GLIS2: variants seen among roughly 807,000 people sequenced by gnomAD.
GLIS2 encodes the protein zinc finger protein GLIS2.
Under a neutral mutation model 35.6 loss-of-function variants are expected in GLIS2, and 14 were observed. The ratio of observed to expected loss-of-function variants is 0.39; its 90% CI spans 0.26 to 0.61. The LOEUF is 0.61. GLIS2 is among the 20% of genes least tolerant of loss of function. The pLI is 0.48. For missense variants in GLIS2, 675 were observed against 713.4 expected (o/e 0.95, Z 0.61); for synonymous variants, 368 against 325.1 (o/e 1.13, Z -1.42).
At chr16:4,321,955 C>T (rs1194934413) in intron 1 of GLIS2, among the ~76,000 whole-genome samples, 1 of 152,192 alleles carries the variant, frequency 6.6e-6, no homozygotes, top group Non-Finnish European at 1.5e-5. Context: ...CAAGTCTTTG[C>T]CCAGCAGGCC....
At chr16:4,336,116 G>A in intron 6 of GLIS2, 1 of 192,852 alleles carries the variant, frequency 5.2e-6, no homozygotes, top group Admixed American at 5.3e-5. Flanking sequence ...CCCACGCTGG[G>A]CGCCTCGTGC....
intron 3 of GLIS2, among the ~76,000 whole-genome samples, chr16:4,333,875 G>A (rs984403935): frequency 1.3e-5 from 2 of 152,166 alleles, no homozygotes; most frequent in East Asian, 1.9e-4. Flanking sequence ...CACTTTAGGA[G>A]GCTAAAGTGG....
At chr16:4,331,138 G>A (rs1263470024) in intron 1 of GLIS2, among the ~76,000 whole-genome samples, 1 of 150,930 alleles carries the variant, frequency 6.6e-6, no homozygotes, top group African/African-American at 2.5e-5. Flanking sequence ...CACCACACCT[G>A]GCTAATTTTT....
In GLIS2 at chr16:4,333,300, C is replaced by G. The variant is rs1443952309; in HGVS notation, c.173-47C>G. ...TTCGGAGGCAGGAGTACCTGGCCCA[C>G]TGGGACTCTACACTCCAGCACACCC... is the stretch of plus-strand genomic sequence containing the variant. On this transcript the variant is annotated intron_variant, in intron 2 of 6. Transcript: ENST00000433375. 4 of 1,608,790 alleles carry G rather than the reference C, an allele frequency of 2.5e-6. No homozygotes were observed. The African/African-American group carries it at 4.0e-5, about 16-fold the overall frequency.
At position 4,335,223 on chromosome 16, in the gene GLIS2, G is replaced by A; in HGVS notation, c.656+30G>A. ...GGTGGGGGAGAGAGGGGTAGAGGGA[G>A]GACTGGGGTCTCCAGTGAGCTGAGC... On this transcript the variant is annotated intron_variant, in intron 5 of 6. Transcript: ENST00000433375. The surrounding 1 kb of genome is among the most constrained non-coding windows in gnomAD (Gnocchi z 4.6). The A allele has an allele frequency of 6.2e-7, 1 of 1,613,616 alleles. No individual in the cohort carries two copies. The highest frequency in any genetic ancestry group is 8.5e-7 in the Non-Finnish European group (1 of 1,180,010).
At chr16:4,321,726 A>G (rs2053381901) in intron 1 of GLIS2, among the ~76,000 whole-genome samples, 1 of 152,052 alleles carries the variant, frequency 6.6e-6, no homozygotes, top group Non-Finnish European at 1.5e-5. Flanking sequence ...TTCAGTAGCC[A>G]CAGCGGGTTT....
chr16:4,321,159 G>C (rs1439413942), intron 1 of GLIS2, among the ~76,000 whole-genome samples: 1 of 152,204 alleles, frequency 6.6e-6, no homozygotes, highest in East Asian at 1.9e-4. Flanking sequence ...CTGGGGGCCA[G>C]GGCTGGGAGG....
chr16:4,335,412 GC>G lies in GLIS2; in HGVS notation c.775+20del. On this transcript the variant is annotated intron_variant, in intron 6 of 6. Coordinates refer to ENST00000433375, the MANE Select transcript of GLIS2 (RefSeq NM_032575.3). This position sits in a 1 kb window ranked among gnomAD's most constrained non-coding sequence, Gnocchi z 4.6. Reference sequence around the variant, plus strand: ...CACACAGGTAAGAGGCCGGGGCCGGGCGGCTTGGCCCATGAAGGGGGCGCTC... The same window carrying G: ...CACACAGGTAAGAGGCCGGGGCCGGGGGCTTGGCCCATGAAGGGGGCGCTC... The G allele has an allele frequency of 6.2e-7, 1 of 1,612,056 alleles. No individual in the cohort carries two copies. The highest frequency in any genetic ancestry group is 1.1e-5 in the South Asian group (1 of 91,068).
Position 4,332,789 on chromosome 16 carries a change from G to A in GLIS2, c.172+337G>A, listed in dbSNP as rs1363756719. On this transcript the variant is annotated intron_variant, in intron 2 of 6. Coordinates refer to ENST00000433375, the MANE Select transcript of GLIS2 (RefSeq NM_032575.3). The surrounding 1 kb of genome is among the most constrained non-coding windows in gnomAD (Gnocchi z 5.4). Reference sequence around the variant, plus strand: ...GGGGTGGTGCCGCTGGCCAACCTGGGCAGTAGAGGCTGGGTCTGAGCCCAG... The same window carrying A: ...GGGGTGGTGCCGCTGGCCAACCTGGACAGTAGAGGCTGGGTCTGAGCCCAG... Among the ~76,000 whole-genome samples, 1 of 152,228 alleles carries A rather than the reference G, an allele frequency of 6.6e-6. No individual in the cohort carries two copies. The highest frequency in any genetic ancestry group is 1.5e-5 in the Non-Finnish European group (1 of 68,028).
At chr16:4,324,058 C>T (rs916184588) in intron 1 of GLIS2, among the ~76,000 whole-genome samples, 1 of 152,200 alleles carries the variant, frequency 6.6e-6, no homozygotes, top group African/African-American at 2.4e-5. Context: ...AGGTGCTTTC[C>T]CGAGGACCCC....
chr16:4,319,665 G>A (rs879786140), intron 1 of GLIS2, among the ~76,000 whole-genome samples: 21 of 152,174 alleles, frequency 1.4e-4, no homozygotes, highest in Middle Eastern at 6.9e-3. Flanking sequence ...CGGGGACTCC[G>A]CGCTTCCAAC....
Position 4,332,099 on chromosome 16 carries a change from C to T in GLIS2, c.-66-116C>T. ...CCAGGTCGCTCGGAGGGTCTCCCTA[C>T]CCAGGAGACAACCTCACACTGCCCC... On this transcript the variant is annotated intron_variant, in intron 1 of 6. Coordinates refer to ENST00000433375, the MANE Select transcript of GLIS2 (RefSeq NM_032575.3). The surrounding 1 kb of genome is among the most constrained non-coding windows in gnomAD (Gnocchi z 5.4). 1.3e-6 allele frequency: 1 copy of T among 795,108 alleles called. No individual in the cohort carries two copies. The highest frequency in any genetic ancestry group is 2.1e-6 in the Non-Finnish European group (1 of 478,530). 49.3% of individuals were successfully genotyped at this position (795,108 alleles called of 1,614,324 possible). A position where few individuals can be genotyped will look rare whatever the true frequency, so the allele number is the denominator to read the frequency against.
rs115484297 is a variant in GLIS2 at position 4,320,295 on chromosome 16, C to T, written c.-67+4041C>T. Among the ~76,000 whole-genome samples, 299 of 152,190 alleles carry T rather than the reference C, an allele frequency of 2.0e-3. 3 individuals are homozygous for T. Among genetic ancestry groups the T allele is most frequent in the African/African-American group, 6.9e-3 (287 of 41,522 alleles). The stretch of plus-strand genomic sequence containing the variant: ...ACCGCTGAGTGGACTGAGTCAGCCC[C>T]CGGCCGGGAGCCTCCGGAAAACAGT... On this transcript the variant is annotated intron_variant, in intron 1 of 6. Coordinates refer to ENST00000433375, the MANE Select transcript of GLIS2 (RefSeq NM_032575.3). The surrounding 1 kb of genome is among the most constrained non-coding windows in gnomAD (Gnocchi z 5.6).
At chr16:4,331,154 TG>T (rs892407860) in intron 1 of GLIS2, among the ~76,000 whole-genome samples, 29 of 151,960 alleles carry the variant, frequency 1.9e-4, no homozygotes, top group African/African-American at 6.5e-4. Flanking sequence ...TTTTTTTTTT[TG>T]TTATTTAATA....
Position 4,316,216 on chromosome 16 carries a change from G to A in GLIS2, c.-105G>A, listed in dbSNP as rs1374144757. ...GGCTCCCCGCGCCCCCCGACCGCCG[G>A]AGCCCGCAGCCCGGATCCCGACCGC... On this transcript the variant is annotated 5_prime_UTR_variant, in exon 1 of 7. Transcript: ENST00000433375. Among the ~76,000 whole-genome samples the A allele has an allele frequency of 1.4e-5, 2 of 142,998 alleles. No individual in the cohort carries two copies. The highest frequency in any genetic ancestry group is 5.1e-5 in the African/African-American group (2 of 39,526). The allele number at this position is 142,998 out of a possible 152,430, so 93.8% of individuals were successfully genotyped here. A position where few individuals can be genotyped will look rare whatever the true frequency, so the allele number is the denominator to read the frequency against.
chr16:4,337,023 AGCT>A lies in GLIS2; in HGVS notation c.1077_1079del (p.Ala360del). ...GGGCCCAGATCATCATCCCCAACCC[AGCT>A]GCCCTCTTTGGAGGCCCTGGCCTGC... On this transcript the variant is annotated inframe_deletion, in exon 7 of 7. Coordinates refer to ENST00000433375, the MANE Select transcript of GLIS2 (RefSeq NM_032575.3). 1 of 1,600,620 alleles carries A rather than the reference AGCT, an allele frequency of 6.2e-7. No homozygotes were observed. The highest frequency in any genetic ancestry group is 8.5e-7 in the Non-Finnish European group (1 of 1,176,896).
Position 4,337,753 on chromosome 16 carries a change from C to G in GLIS2, c.*229C>G. ...GCTGTGCTCCTGGGTGCTGAAGCCT[C>G]GCTCCTGTCTGTCCCCCACCACCTG... On this transcript the variant is annotated 3_prime_UTR_variant, in exon 7 of 7. Coordinates refer to ENST00000433375, the MANE Select transcript of GLIS2 (RefSeq NM_032575.3). The G allele has an allele frequency of 7.9e-6, 5 of 635,104 alleles. No homozygotes were observed. In the South Asian group the frequency reaches 9.2e-5, roughly 12 times the overall value. The allele number at this position is 635,104 out of a possible 1,614,324, so 39.3% of individuals were successfully genotyped here.
At position 4,337,876 on chromosome 16, in the gene GLIS2, T is replaced by A. The variant is rs2053575434; in HGVS notation, c.*352T>A. ...CACCTAGTGACCACCCATGGCAAGT[T>A]GCCCTCTCCCAGCAGAGGGGGTGGG... is the stretch of plus-strand genomic sequence containing the variant. On this transcript the variant is annotated 3_prime_UTR_variant, in exon 7 of 7. Transcript: ENST00000433375. 1.2e-5 allele frequency: 5 copies of A among 419,744 alleles called. No homozygotes were observed. Among genetic ancestry groups the A allele is most frequent in the Non-Finnish European group, 2.2e-5 (5 of 224,892 alleles). 26.0% of individuals were successfully genotyped at this position (419,744 alleles called of 1,614,324 possible).
At position 4,332,114 on chromosome 16, in the gene GLIS2, C is replaced by T. The variant is rs1567221982; in HGVS notation, c.-66-101C>T. 8 of 900,530 alleles carry T rather than the reference C, an allele frequency of 8.9e-6. No homozygotes were observed. Among genetic ancestry groups the T allele is most frequent in the Non-Finnish European group, 8.8e-6 (5 of 571,400 alleles). 55.8% of individuals were successfully genotyped at this position (900,530 alleles called of 1,614,324 possible). A position where few individuals can be genotyped will look rare whatever the true frequency, so the allele number is the denominator to read the frequency against. ...GGTCTCCCTACCCAGGAGACAACCT[C>T]ACACTGCCCCCTGCTCCTGCTCCTG... On this transcript the variant is annotated intron_variant, in intron 1 of 6. Coordinates refer to ENST00000433375, the MANE Select transcript of GLIS2 (RefSeq NM_032575.3). This position sits in a 1 kb window ranked among gnomAD's most constrained non-coding sequence, Gnocchi z 5.4.
Sources: gnomAD v4.1 joint callset for allele counts (sites outside exome capture counted in the v4.1 genomes callset) on GRCh38, gnomAD v4.1.1 for gene constraint, Gnocchi (gnomAD v3.1) non-coding constraint, MANE v1.5 for transcripts, NCBI Gene and HGNC (gene_info 2026-07-23, HGNC 2026-07-21) for gene names.